Variants in RBFOX1 observed in about 807,000 individuals in gnomAD.
RBFOX1 encodes RNA binding protein fox-1 homolog 1.
RBFOX1 carries 8 observed loss-of-function variants against 57.7 expected under a neutral mutation model. That is an observed-to-expected ratio of 0.14 (90% CI 0.08 to 0.25). The LOEUF (loss-of-function observed/expected upper bound fraction) is 0.25. Ranked by LOEUF, RBFOX1 falls within the 10% of genes least tolerant of loss-of-function variation. The probability of loss-of-function intolerance (pLI) is 1.00; values close to 1 mark genes in which losing one functional copy is unlikely to be tolerated. For synonymous variants in RBFOX1, 326 were observed against 222.4 expected, an observed-to-expected ratio of 1.47 and a Z score of -4.15; for missense variants, 611 against 548.5, an observed-to-expected ratio of 1.11 and a Z score of -1.14.
At chr16:5,833,718 T>C (rs111926822) in intron 3 of RBFOX1, among the ~76,000 whole-genome samples, 7 of 152,252 alleles carry the variant, frequency 4.6e-5, no homozygotes, top group Non-Finnish European at 1.0e-4. Context: ...TGTTGGCACA[T>C]CTCTCTCTTT....
chr16:6,293,681 A>T (rs7204695), intron 1 of RBFOX1, among the ~76,000 whole-genome samples: 1 of 151,938 alleles, frequency 6.6e-6, no homozygotes, highest in Non-Finnish European at 1.5e-5. Context: ...AAGAGGGGCT[A>T]GTTCAGCCCT....
At chr16:6,143,824 C>G (rs1209670470) in intron 1 of RBFOX1, among the ~76,000 whole-genome samples, 1 of 151,942 alleles carries the variant, frequency 6.6e-6, no homozygotes, top group African/African-American at 2.4e-5. Flanking sequence ...GAGACAGGGT[C>G]TTGCTCTTTT....
intron 2 of RBFOX1, among the ~76,000 whole-genome samples, chr16:6,488,343 A>G (rs9937010): frequency 0.33 from 50,433 of 152,026 alleles, 8,645 homozygotes; most frequent in African/African-American, 0.4. Flanking sequence ...CAGGTCTTCC[A>G]TTTGTATTAA....
Position 6,234,794 on chromosome 16 carries a change from A to C in RBFOX1, c.-126-82201A>C, listed in dbSNP as rs974710274. ...GGATCTATACATACACATGAACCACACATACGCATGAACTACACACAGACA... is the reference window on the plus strand; with the variant it reads ...GGATCTATACATACACATGAACCACCCATACGCATGAACTACACACAGACA... On this transcript the variant is annotated intron_variant, in intron 1 of 15. Transcript: ENST00000550418. 7.9e-5 allele frequency among the ~76,000 whole-genome samples: 12 copies of C among 151,392 alleles called. No individual in the cohort carries two copies. The Admixed American group carries it at 8.0e-4, about 10-fold the overall frequency.
chr16:5,413,706 C>G (rs1242357376), intron 1 of RBFOX1, among the ~76,000 whole-genome samples: 5 of 152,202 alleles, frequency 3.3e-5, no homozygotes, highest in African/African-American at 1.2e-4. Context: ...ACAATTAAAG[C>G]AAGTCTCTTT....
At chr16:5,958,921 C>G (rs1034871157) in intron 4 of RBFOX1, among the ~76,000 whole-genome samples, 1 of 152,174 alleles carries the variant, frequency 6.6e-6, no homozygotes, top group Non-Finnish European at 1.5e-5. Context: ...TCCAGGATAA[C>G]CTCCCCATCT....
At chr16:5,746,138 G>T (rs2052970948) in intron 3 of RBFOX1, among the ~76,000 whole-genome samples, 2 of 152,184 alleles carry the variant, frequency 1.3e-5, no homozygotes, top group Non-Finnish European at 1.5e-5. Flanking sequence ...AAGGGATCCA[G>T]TTTCAGCTTT....
chr16:5,259,125 T>C (rs185227629), intron 1 of RBFOX1, among the ~76,000 whole-genome samples: 136 of 152,214 alleles, frequency 8.9e-4, no homozygotes, highest in Non-Finnish European at 2.6e-4. Context: ...TTGGAAATAG[T>C]GCACATGGAG....
intron 3 of RBFOX1, among the ~76,000 whole-genome samples, chr16:5,703,463 T>G (rs970097728): frequency 1.3e-5 from 2 of 152,206 alleles, no homozygotes; most frequent in African/African-American, 4.8e-5. Context: ...GGGAGTGGCA[T>G]GAGGCGAAGC....
rs548133458 is a variant in RBFOX1, at chr16:6,401,883, A to T, written c.-64+84826A>T. ...AAATCCATCAATAACCCTGTGATGG[A>T]GTAATTAGAGAAGAGAAATTGCTAT... On this transcript the variant is annotated intron_variant, in intron 2 of 15. Coordinates refer to ENST00000550418, the MANE Select transcript of RBFOX1 (RefSeq NM_018723.4). Among the ~76,000 whole-genome samples the T allele has an allele frequency of 1.9e-4, 29 of 152,020 alleles. No individual in the cohort carries two copies. The South Asian group carries it at 4.4e-3, about 23-fold the overall frequency.
rs542553764 is a variant in RBFOX1, at chr16:7,160,050, C to T, written c.27+107952C>T. Among the ~76,000 whole-genome samples the T allele has an allele frequency of 4.6e-5, 7 of 152,188 alleles. No homozygotes were observed. The South Asian group carries it at 1.0e-3, about 23-fold the overall frequency. On this transcript the variant is annotated intron_variant, in intron 4 of 15. Transcript: ENST00000550418. ...TATCTGTGCAACTGTGTCAGTGTGC[C>T]TGTTGCTGTAAATATTCAAGGGACT...
At chr16:7,334,637 T>A (rs968293113) in intron 4 of RBFOX1, among the ~76,000 whole-genome samples, 3 of 152,190 alleles carry the variant, frequency 2.0e-5, no homozygotes, top group Non-Finnish European at 4.4e-5. Context: ...TGTAATCAGG[T>A]TTAATGGACT....
At chr16:7,602,382 C>CG (rs2095073551) in intron 9 of RBFOX1, among the ~76,000 whole-genome samples, 6 of 152,230 alleles carry the variant, frequency 3.9e-5, no homozygotes, top group African/African-American at 1.4e-4. Flanking sequence ...TGTTGTGGGG[C>CG]TGGGGGGGCC....
intron 3 of RBFOX1, among the ~76,000 whole-genome samples, chr16:6,983,322 A>T (rs2089446021): frequency 6.6e-6 from 1 of 152,128 alleles, no homozygotes; most frequent in South Asian, 2.1e-4. Context: ...TTATTTCTTT[A>T]GCCGTAAATA....
chr16:6,287,530 A>C (rs2077021361), intron 1 of RBFOX1, among the ~76,000 whole-genome samples: 1 of 152,198 alleles, frequency 6.6e-6, no homozygotes, highest in Admixed American at 6.5e-5. Context: ...CATGAGGCTC[A>C]TCTAGCATCA....
At chr16:6,461,292 G>C (rs1172099469) in intron 2 of RBFOX1, among the ~76,000 whole-genome samples, 2 of 152,020 alleles carry the variant, frequency 1.3e-5, no homozygotes, top group Non-Finnish European at 2.9e-5. Flanking sequence ...AAGAACACTG[G>C]TCATAGTGGA....
intron 2 of RBFOX1, among the ~76,000 whole-genome samples, chr16:5,598,265 C>A (rs868525527): frequency 6.6e-6 from 1 of 151,878 alleles, no homozygotes; most frequent in Non-Finnish European, 1.5e-5. Context: ...CATAGCATTG[C>A]AGATGCTCCC....
At chr16:5,504,306 G>T (rs2043302544) in intron 2 of RBFOX1, among the ~76,000 whole-genome samples, 1 of 152,230 alleles carries the variant, frequency 6.6e-6, no homozygotes, top group Non-Finnish European at 1.5e-5. Context: ...CAACTTTGAG[G>T]CAGGGCCTGC....
chr16:5,303,407 G>C (rs893595247), intron 1 of RBFOX1, among the ~76,000 whole-genome samples: 1 of 152,154 alleles, frequency 6.6e-6, no homozygotes, highest in Non-Finnish European at 1.5e-5. Context: ...TCAGTTCCAC[G>C]GTCAAGCTGT....
Sources: gnomAD v4.1 joint callset for allele counts (sites outside exome capture counted in the v4.1 genomes callset) on GRCh38, gnomAD v4.1.1 for gene constraint, MANE v1.5 for transcripts, NCBI Gene and HGNC (gene_info 2026-07-23, HGNC 2026-07-21) for gene names.